SKAP2: variants seen among roughly 807,000 people sequenced by gnomAD.
SKAP2 encodes src kinase-associated phosphoprotein 2.
SKAP2 carries 28 observed loss-of-function variants against 54.9 expected under a neutral mutation model. The observed-to-expected ratio is 0.51, with a 90% confidence interval of 0.38 to 0.70. The LOEUF (loss-of-function observed/expected upper bound fraction) is 0.70, where lower values mean the gene tolerates loss of function less well. Ranked by LOEUF, SKAP2 falls within the 30% of genes least tolerant of loss-of-function variation. The pLI is 0.00. For missense variants in SKAP2, 356 were observed against 424.1 expected (o/e 0.84, Z 1.41); for synonymous variants, 137 against 134.3 (o/e 1.02, Z -0.14).
chr7:26,734,986 C>T (rs1245938548), intron 6 of SKAP2, among the ~76,000 whole-genome samples: 2 of 152,152 alleles, frequency 1.3e-5, no homozygotes, highest in Non-Finnish European at 2.9e-5. Flanking sequence ...GACATCTTCC[C>T]TAACTTCCCT....
downstream of SKAP2, among the ~76,000 whole-genome samples, chr7:26,666,203 T>C (rs1306241486): frequency 1.3e-5 from 2 of 152,130 alleles, no homozygotes; most frequent in East Asian, 3.9e-4. Flanking sequence ...GAAATACAAA[T>C]GACTGATTTA....
chr7:26,828,663 T>C lies in SKAP2; in HGVS notation c.307+15367A>G, dbSNP rs1300183414. Among the ~76,000 whole-genome samples, 128 of 118,630 alleles carry C rather than the reference T, an allele frequency of 1.1e-3. No individual in the cohort carries two copies. The Middle Eastern group carries it at 0.018, about 17-fold the overall frequency. 77.8% of individuals were successfully genotyped at this position (118,630 alleles called of 152,430 possible). ...CTGCACTCTAGCCTGGGCGACAGAGTGAGACTCTGTCTCAAAAAAAAAAAA... is the reference window on the plus strand; with the variant it reads ...CTGCACTCTAGCCTGGGCGACAGAGCGAGACTCTGTCTCAAAAAAAAAAAA... On this transcript the variant is annotated intron_variant, in intron 4 of 12. Transcript: ENST00000345317.
chr7:26,753,555 T>C (rs1782729557), intron 4 of SKAP2, among the ~76,000 whole-genome samples: 1 of 152,224 alleles, frequency 6.6e-6, no homozygotes, highest in Admixed American at 6.5e-5. Context: ...GTGCAACTAA[T>C]GATTTTTATT....
chr7:26,697,909 C>T (rs1330758933), intron 9 of SKAP2, among the ~76,000 whole-genome samples: 2 of 152,154 alleles, frequency 1.3e-5, no homozygotes, highest in Non-Finnish European at 2.9e-5. Flanking sequence ...AGTATATATG[C>T]ATTTCATTGT....
At chr7:26,816,843 T>C (rs1784275739) in intron 4 of SKAP2, among the ~76,000 whole-genome samples, 1 of 152,100 alleles carries the variant, frequency 6.6e-6, no homozygotes, top group Admixed American at 6.6e-5. Flanking sequence ...ACTAATTTGA[T>C]CAAAGTTCAC....
chr7:26,757,596 G>C (rs895737401), intron 4 of SKAP2, among the ~76,000 whole-genome samples: 1 of 152,160 alleles, frequency 6.6e-6, no homozygotes, highest in African/African-American at 2.4e-5. Flanking sequence ...ATAGTTTGAA[G>C]TCAGGTAGCG....
intron 4 of SKAP2, among the ~76,000 whole-genome samples, chr7:26,836,432 G>C (rs1784713737): frequency 6.6e-6 from 1 of 152,124 alleles, no homozygotes; most frequent in South Asian, 2.1e-4. Context: ...GAAAAATTTT[G>C]CAATCTATCC....
intron 3 of SKAP2, among the ~76,000 whole-genome samples, chr7:26,849,745 C>T (rs1414800676): frequency 6.7e-6 from 1 of 149,236 alleles, no homozygotes; most frequent in Non-Finnish European, 1.5e-5. Flanking sequence ...AAAAAAATCT[C>T]ATGAAACATT....
rs756407732 is a variant in SKAP2 at position 26,738,776 on chromosome 7, A to G, written c.469+19T>C. On this transcript the variant is annotated intron_variant, in intron 6 of 12. Transcript: ENST00000345317. ...ATTCTTTTGCAATAGTAGTTGATAT[A>G]ATTGAACACCAACATTACCTTTATC... The G allele has an allele frequency of 4.8e-6, 7 of 1,449,648 alleles. No individual in the cohort carries two copies. The East Asian group carries it at 1.6e-4, about 33-fold the overall frequency. The allele number at this position is 1,449,648 out of a possible 1,614,324, so 89.8% of individuals were successfully genotyped here.
intron 4 of SKAP2, among the ~76,000 whole-genome samples, chr7:26,763,553 C>T (rs1233779097): frequency 1.3e-5 from 2 of 152,226 alleles, no homozygotes; most frequent in Non-Finnish European, 2.9e-5. Context: ...AAGTATCTCA[C>T]AGAGAGATAC....
intron 4 of SKAP2, among the ~76,000 whole-genome samples, chr7:26,815,632 T>C (rs1784250353): frequency 6.6e-6 from 1 of 152,066 alleles, no homozygotes; most frequent in Non-Finnish European, 1.5e-5. Context: ...TTCGACCCTG[T>C]GATTATTGCC....
chr7:26,702,021 T>C (rs1463589281), intron 9 of SKAP2, among the ~76,000 whole-genome samples: 2 of 152,228 alleles, frequency 1.3e-5, no homozygotes, highest in Non-Finnish European at 2.9e-5. Context: ...TCATGGATTC[T>C]AAGATGATAT....
intron 4 of SKAP2, among the ~76,000 whole-genome samples, chr7:26,837,667 C>T (rs544459414): frequency 1.3e-5 from 2 of 152,092 alleles, no homozygotes; most frequent in Non-Finnish European, 2.9e-5. Flanking sequence ...GTGATTTGGG[C>T]GGAGATAAAT....
At chr7:26,817,675 G>T (rs1049656965) in intron 4 of SKAP2, among the ~76,000 whole-genome samples, 3 of 152,060 alleles carry the variant, frequency 2.0e-5, no homozygotes, top group African/African-American at 7.2e-5. Flanking sequence ...TGACATTATT[G>T]TATATTTAGA....
At chr7:26,703,922 G>T (rs1285852811) in intron 9 of SKAP2, among the ~76,000 whole-genome samples, 2 of 152,160 alleles carry the variant, frequency 1.3e-5, no homozygotes, top group Non-Finnish European at 2.9e-5. Context: ...CAGAGCCCAG[G>T]TTCTGAAGCA....
intron 4 of SKAP2, among the ~76,000 whole-genome samples, chr7:26,827,276 T>C (rs1784510768): frequency 6.6e-6 from 1 of 152,170 alleles, no homozygotes; most frequent in East Asian, 1.9e-4. Context: ...AAATATGGCA[T>C]TATATGTTTC....
At chr7:26,803,533 T>C (rs1465297723) in intron 4 of SKAP2, among the ~76,000 whole-genome samples, 1 of 152,102 alleles carries the variant, frequency 6.6e-6, no homozygotes. Flanking sequence ...TGTAAATTAG[T>C]ACAACTACCA....
At chr7:26,835,241 T>C (rs556482642) in intron 4 of SKAP2, among the ~76,000 whole-genome samples, 7 of 152,246 alleles carry the variant, frequency 4.6e-5, no homozygotes, top group Admixed American at 2.6e-4. Context: ...GCCAATATCA[T>C]ACTGAATGGG....
At chr7:26,831,416 G>A (rs954832584) in intron 4 of SKAP2, among the ~76,000 whole-genome samples, 4 of 152,190 alleles carry the variant, frequency 2.6e-5, no homozygotes, top group Non-Finnish European at 5.9e-5. Context: ...ACTTCCAACT[G>A]CAAATCCTAC....
Sources: allele counts gnomAD v4.1 joint callset (sites outside exome capture counted in the v4.1 genomes callset), GRCh38; gene constraint gnomAD v4.1.1; transcripts MANE v1.5; gene names NCBI Gene and HGNC (gene_info 2026-07-23, HGNC 2026-07-21).